Variants in GALNTL6 observed in about 807,000 individuals in gnomAD.
GALNTL6 encodes the protein polypeptide N-acetylgalactosaminyltransferase like 6.
Under a neutral mutation model 73.7 loss-of-function variants are expected in GALNTL6, and 46 were observed. That is an observed-to-expected ratio of 0.62 (90% CI 0.49 to 0.80). GALNTL6 has a LOEUF of 0.80. GALNTL6 is among the 30% of genes least tolerant of loss of function. The pLI, the probability that GALNTL6 is intolerant of heterozygous loss-of-function variation, is 0.00. For missense variants in GALNTL6, 604 were observed against 755.0 expected, an observed-to-expected ratio of 0.80 and a Z score of 2.34; for synonymous variants, 259 against 263.7, an observed-to-expected ratio of 0.98 and a Z score of 0.17.
chr4:172,642,619 G>A (rs1398854397), intron 5 of GALNTL6, among the ~76,000 whole-genome samples: 1 of 151,776 alleles, frequency 6.6e-6, no homozygotes, highest in Non-Finnish European at 1.5e-5. Context: ...TCAGTTAGGA[G>A]GAATAAGTTC....
intron 7 of GALNTL6, among the ~76,000 whole-genome samples, chr4:172,836,307 G>C (rs924852784): frequency 6.6e-6 from 1 of 152,230 alleles, no homozygotes; most frequent in African/African-American, 2.4e-5. Context: ...AGCCAGGAAA[G>C]AGCACGATCT....
chr4:172,059,503 A>G (rs920551487), intron 2 of GALNTL6, among the ~76,000 whole-genome samples: 2 of 152,204 alleles, frequency 1.3e-5, no homozygotes, highest in Admixed American at 1.3e-4. Flanking sequence ...AAAGGGAAGA[A>G]AGAGTTTAAT....
chr4:172,208,814 AGT>A (rs999623932), intron 2 of GALNTL6, among the ~76,000 whole-genome samples: 2 of 152,134 alleles, frequency 1.3e-5, no homozygotes, highest in Admixed American at 1.3e-4. Flanking sequence ...GCCTAATAAG[AGT>A]GATGAAGTCT....
intron 5 of GALNTL6, among the ~76,000 whole-genome samples, chr4:172,620,405 T>C (rs1200410396): frequency 6.6e-6 from 1 of 152,214 alleles, no homozygotes; most frequent in Non-Finnish European, 1.5e-5. Context: ...ATAGCACTCA[T>C]AGAAAAATTT....
intron 8 of GALNTL6, among the ~76,000 whole-genome samples, chr4:172,904,263 A>T (rs1746767459): frequency 6.6e-6 from 1 of 152,198 alleles, no homozygotes; most frequent in South Asian, 2.1e-4. Flanking sequence ...GGTTTATTGT[A>T]ACATGGACAT....
chr4:172,033,170 GGAGAGAGA>G (rs70941376), intron 2 of GALNTL6, among the ~76,000 whole-genome samples: 1 of 146,394 alleles, frequency 6.8e-6, no homozygotes, highest in Non-Finnish European at 1.5e-5. Flanking sequence ...ACACACACAC[GGAGAGAGA>G]GAGAGAGAGA....
intron 5 of GALNTL6, among the ~76,000 whole-genome samples, chr4:172,605,893 T>C (rs1257360396): frequency 6.6e-6 from 1 of 152,018 alleles, no homozygotes; most frequent in Non-Finnish European, 1.5e-5. Context: ...GCAAATAGGA[T>C]ACCATCTCAC....
At chr4:172,179,763 T>A (rs1263802131) in intron 2 of GALNTL6, among the ~76,000 whole-genome samples, 1 of 151,926 alleles carries the variant, frequency 6.6e-6, no homozygotes, top group Non-Finnish European at 1.5e-5. Flanking sequence ...ATGCCTAGGT[T>A]TTCTTCTAGG....
intron 8 of GALNTL6, among the ~76,000 whole-genome samples, chr4:172,895,890 G>C (rs1371057880): frequency 6.6e-6 from 1 of 151,990 alleles, no homozygotes; most frequent in Non-Finnish European, 1.5e-5. Context: ...TGTTTGATCA[G>C]TTCTGCTATT....
chr4:172,692,192 A>T (rs1435601951), intron 5 of GALNTL6, among the ~76,000 whole-genome samples: 1 of 152,024 alleles, frequency 6.6e-6, no homozygotes, highest in African/African-American at 2.4e-5. Context: ...GCATATTTTA[A>T]CTCATATTCT....
intron 11 of GALNTL6, among the ~76,000 whole-genome samples, chr4:173,018,659 C>A (rs373749455): frequency 6.6e-6 from 1 of 152,146 alleles, no homozygotes; most frequent in Admixed American, 6.5e-5. Flanking sequence ...ATGAGCATTA[C>A]CTAGGTTGGC....
intron 2 of GALNTL6, among the ~76,000 whole-genome samples, chr4:171,906,318 A>T (rs1737276017): frequency 6.6e-6 from 1 of 151,476 alleles, no homozygotes. Flanking sequence ...GAATATCACC[A>T]CCGATCCCAC....
At chr4:172,020,412 C>T (rs181660702) in intron 2 of GALNTL6, among the ~76,000 whole-genome samples, 7 of 148,094 alleles carry the variant, frequency 4.7e-5, no homozygotes, top group Admixed American at 4.7e-4. Flanking sequence ...ATTGAAAAAG[C>T]TTTAGCAAGA....
At chr4:172,975,423 G>T (rs1344897844) in intron 10 of GALNTL6, among the ~76,000 whole-genome samples, 1 of 152,204 alleles carries the variant, frequency 6.6e-6, no homozygotes, top group Middle Eastern at 3.2e-3. Context: ...GAGTCCAGGG[G>T]TTTTTATGGA....
At chr4:172,202,930 G>A (rs922609388) in intron 2 of GALNTL6, among the ~76,000 whole-genome samples, 3 of 152,108 alleles carry the variant, frequency 2.0e-5, no homozygotes, top group African/African-American at 7.2e-5. Context: ...GGCTTGAGAG[G>A]AAAACAATTG....
At chr4:172,844,946 T>C (rs1400040304) in intron 7 of GALNTL6, among the ~76,000 whole-genome samples, 1 of 151,894 alleles carries the variant, frequency 6.6e-6, no homozygotes, top group East Asian at 1.9e-4. Context: ...CTGGGCGCGG[T>C]GGCTCACACC....
intron 9 of GALNTL6, among the ~76,000 whole-genome samples, chr4:172,932,817 G>A (rs1319504542): frequency 6.6e-6 from 1 of 152,100 alleles, no homozygotes; most frequent in African/African-American, 2.4e-5. Flanking sequence ...TTCTATTTGT[G>A]GCATCGTGTT....
chr4:172,405,578 T>A (rs538034863), intron 5 of GALNTL6, among the ~76,000 whole-genome samples: 1 of 151,640 alleles, frequency 6.6e-6, no homozygotes, highest in Admixed American at 6.6e-5. Flanking sequence ...GTCTAGGGTT[T>A]TTTATTCTAA....
chr4:171,879,397 G>A (rs762856269), intron 2 of GALNTL6, among the ~76,000 whole-genome samples: 10 of 151,906 alleles, frequency 6.6e-5, no homozygotes, highest in Admixed American at 2.0e-4. Context: ...GAACCTGCAC[G>A]TTCTATACAA....
Sources: allele counts gnomAD v4.1 joint callset (sites outside exome capture counted in the v4.1 genomes callset), GRCh38; gene constraint gnomAD v4.1.1; transcripts MANE v1.5; gene names NCBI Gene and HGNC (gene_info 2026-07-23, HGNC 2026-07-21).